The following KLF8 variants were observed in gnomAD, a reference collection of about 807,000 sequenced individuals.
The protein encoded by KLF8 is KLF transcription factor 8.
A neutral mutation model predicts 18.2 loss-of-function variants in KLF8; 10 were observed. The observed-to-expected ratio is 0.55, with a 90% CI of 0.34 to 0.93. The LOEUF is 0.93. KLF8 is among the 40% of genes least tolerant of loss of function. The probability of loss-of-function intolerance (pLI) is 0.02; values close to 1 mark genes in which losing one functional copy is unlikely to be tolerated. For missense variants in KLF8, 264 were observed against 277.9 expected, an observed-to-expected ratio of 0.95 and a Z score of 0.36; for synonymous variants, 109 against 97.3, an observed-to-expected ratio of 1.12 and a Z score of -0.71.
chrX:56,092,380 C>T, the KLF8 span, among the ~76,000 whole-genome samples: 1 of 111,218 alleles, frequency 9.0e-6, no homozygotes, highest in Non-Finnish European at 1.9e-5. Context: ...TTTGTGTAGA[C>T]CAATGTCCAG....
At chrX:56,185,275 T>C in the KLF8 span, among the ~76,000 whole-genome samples, 1 of 110,989 alleles carries the variant, frequency 9.0e-6, no homozygotes, top group Non-Finnish European at 1.9e-5. Flanking sequence ...AGGGTGTCAG[T>C]GATAGAAGAT....
chrX:56,220,225 C>T, the KLF8 span, among the ~76,000 whole-genome samples: 1 of 111,836 alleles, frequency 8.9e-6, no homozygotes, highest in Non-Finnish European at 1.9e-5. Context: ...AAGACCTAGG[C>T]CATTAGTACT....
At chrX:55,985,593 C>A in the KLF8 span, among the ~76,000 whole-genome samples, 2 of 109,157 alleles carry the variant, frequency 1.8e-5, no homozygotes, top group African/African-American at 3.3e-5. Flanking sequence ...ACTTAGGATT[C>A]CTTTGGCTAT....
the KLF8 span, among the ~76,000 whole-genome samples, chrX:56,062,586 A>G: frequency 9.0e-6 from 1 of 111,665 alleles, no homozygotes; most frequent in Non-Finnish European, 1.9e-5. Flanking sequence ...TTTGTGGGTA[A>G]CCACACCTTT....
the KLF8 span, among the ~76,000 whole-genome samples, chrX:55,978,861 A>T: frequency 9.0e-6 from 1 of 111,683 alleles, no homozygotes; most frequent in Non-Finnish European, 1.9e-5. Context: ...CATATTAAGG[A>T]TATAGTGAGG....
chrX:56,195,024 G>A, the KLF8 span, among the ~76,000 whole-genome samples: 1 of 112,071 alleles, frequency 8.9e-6, no homozygotes, highest in Non-Finnish European at 1.9e-5. Flanking sequence ...AAACAGAAAG[G>A]AATACCATCA....
At chrX:56,117,926 G>A in the KLF8 span, among the ~76,000 whole-genome samples, 1 of 111,537 alleles carries the variant, frequency 9.0e-6, no homozygotes, top group Non-Finnish European at 1.9e-5. Context: ...TCTAAAATCA[G>A]GGTGCCAGAA....
intron 3 of KLF8, 36 bp from the exon 4 acceptor site, chrX:56,269,342 T>A: frequency 8.5e-7 from 1 of 1,171,985 alleles, no homozygotes; most frequent in Non-Finnish European, 1.1e-6. Flanking sequence ...GGCACATACA[T>A]CTTCAGCTCA....
chrX:56,157,889 G>GT, the KLF8 span, among the ~76,000 whole-genome samples: 1 of 111,623 alleles, frequency 9.0e-6, no homozygotes, highest in African/African-American at 3.3e-5. Flanking sequence ...AAGCTCTTGA[G>GT]TTTAATTAGA....
At chrX:56,184,380 T>A in the KLF8 span, among the ~76,000 whole-genome samples, 1 of 112,372 alleles carries the variant, frequency 8.9e-6, no homozygotes, top group Non-Finnish European at 1.9e-5. Context: ...AAGCTCGAAC[T>A]GGGTGGAGCC....
chrX:56,252,285 G>T (rs1271710584), intron 2 of KLF8, among the ~76,000 whole-genome samples: 2 of 111,414 alleles, frequency 1.8e-5, no homozygotes, highest in African/African-American at 6.5e-5. Context: ...AAGTGCTGGG[G>T]ATTACAGGAG....
chrX:56,177,174 C>A, the KLF8 span, among the ~76,000 whole-genome samples: 1 of 111,684 alleles, frequency 9.0e-6, no homozygotes, highest in Admixed American at 9.6e-5. Flanking sequence ...GGAGGAGAGG[C>A]GCTCTGATTT....
chrX:56,095,955 C>A, the KLF8 span, among the ~76,000 whole-genome samples: 1 of 111,208 alleles, frequency 9.0e-6, no homozygotes, highest in East Asian at 2.8e-4. Flanking sequence ...TGGATATCAT[C>A]CAAAGGAAAA....
the KLF8 span, among the ~76,000 whole-genome samples, chrX:56,090,010 T>C: frequency 8.9e-6 from 1 of 112,123 alleles, no homozygotes; most frequent in African/African-American, 3.2e-5. Flanking sequence ...TACCAGAGCT[T>C]AACCAAGTTG....
At chrX:56,052,849 G>A in the KLF8 span, among the ~76,000 whole-genome samples, 3 of 111,507 alleles carry the variant, frequency 2.7e-5, no homozygotes, top group African/African-American at 6.5e-5. Flanking sequence ...GGGCAATGGC[G>A]GGCACCCCTC....
the KLF8 span, among the ~76,000 whole-genome samples, chrX:56,075,532 CT>C: frequency 6.3e-5 from 7 of 111,705 alleles, no homozygotes; most frequent in Non-Finnish European, 9.4e-5. Flanking sequence ...CAATTACACT[CT>C]TTTAGTTATT....
the KLF8 span, among the ~76,000 whole-genome samples, chrX:56,152,750 C>T: frequency 9.0e-6 from 1 of 111,654 alleles, no homozygotes; most frequent in Non-Finnish European, 1.9e-5. Flanking sequence ...GTCTGCACTC[C>T]TCAGATGTTA....
At chrX:56,116,278 G>A in the KLF8 span, among the ~76,000 whole-genome samples, 1 of 112,642 alleles carries the variant, frequency 8.9e-6, no homozygotes, top group East Asian at 2.8e-4. Context: ...CCGGGATTCT[G>A]AGAGAAAGGC....
At chrX:56,029,246 T>G in the KLF8 span, among the ~76,000 whole-genome samples, 1 of 110,790 alleles carries the variant, frequency 9.0e-6, no homozygotes, top group Non-Finnish European at 1.9e-5. Context: ...CAGGGGACCA[T>G]AAGGACCATG....
Sources: gnomAD v4.1 joint callset for allele counts (sites outside exome capture counted in the v4.1 genomes callset) on GRCh38, gnomAD v4.1.1 for gene constraint, MANE v1.5 for transcripts, NCBI Gene and HGNC (gene_info 2026-07-23, HGNC 2026-07-21) for gene names.